ACAD8: variants seen among roughly 807,000 people sequenced by gnomAD.
The protein encoded by ACAD8 is isobutyryl-CoA dehydrogenase, mitochondrial.
ACAD8 carries 47 observed loss-of-function variants against 53.1 expected under a neutral mutation model. The observed-to-expected ratio is 0.89, with a 90% confidence interval of 0.70 to 1.13. The LOEUF is 1.13. Among genes scored for constraint, ACAD8 ranks in the 50% most tolerant of loss-of-function variants. ACAD8 has a pLI of 0.00. For missense variants in ACAD8, 494 were observed against 535.0 expected, an observed-to-expected ratio of 0.92 and a Z score of 0.76; for synonymous variants, 198 against 201.3, an observed-to-expected ratio of 0.98 and a Z score of 0.14.
intron 1 of ACAD8, among the ~76,000 whole-genome samples, chr11:134,254,032 T>G: frequency 6.8e-6 from 1 of 146,562 alleles, no homozygotes; most frequent in East Asian, 2.1e-4. Flanking sequence ...CCCCCGCAGG[T>G]TCCCCTCCGG....
At chr11:134,263,755 A>G in intron 10 of ACAD8, 4 of 985,418 alleles carry the variant, frequency 4.1e-6, no homozygotes, top group Non-Finnish European at 4.8e-6. Context: ...GCAGGAAAAC[A>G]TTTATTGTAG....
At position 134,261,955 on chromosome 11, in the gene ACAD8, G is replaced by C. The variant is rs977902208; in HGVS notation, c.1092+65G>C. On this transcript the variant is annotated intron_variant, in intron 9 of 10. Coordinates refer to ENST00000281182, the MANE Select transcript of ACAD8 (RefSeq NM_014384.3). This position sits in a 1 kb window ranked among gnomAD's most constrained non-coding sequence, Gnocchi z 4.2. ...CAGCTGCTAGGCCCAGGGGTCTTGAGAGACATGAGTCAGATTTGGAACCCA... is the reference window on the plus strand; with the variant it reads ...CAGCTGCTAGGCCCAGGGGTCTTGACAGACATGAGTCAGATTTGGAACCCA... 3 of 1,590,056 alleles carry C rather than the reference G, an allele frequency of 1.9e-6. No individual in the cohort carries two copies. The highest frequency in any genetic ancestry group is 2.6e-6 in the Non-Finnish European group (3 of 1,166,846).
intron 5 of ACAD8, 169 bp downstream of exon 5, chr11:134,259,253 C>G: frequency 1.4e-6 from 1 of 730,478 alleles, no homozygotes; most frequent in Non-Finnish European, 2.4e-6. Flanking sequence ...TTGTATCTCT[C>G]CTAATCTGAT....
At chr11:134,257,288 A>G (rs774217359) in intron 3 of ACAD8, 31 bp downstream of exon 3, 5 of 1,612,944 alleles carry the variant, frequency 3.1e-6, no homozygotes, top group Non-Finnish European at 4.2e-6. Flanking sequence ...GGCACAATGA[A>G]GTGCTCACTC....
intron 6 of ACAD8, 108 bp downstream of exon 6, chr11:134,259,853 C>T (rs749465824): frequency 6.4e-7 from 1 of 1,570,918 alleles, no homozygotes; most frequent in African/African-American, 1.3e-5. Context: ...GCTAACCTAC[C>T]TTTGAAGCAG....
At chr11:134,259,114 T>TG in intron 5 of ACAD8, 30 bp downstream of exon 5, 1 of 1,599,436 alleles carries the variant, frequency 6.3e-7, no homozygotes, top group Non-Finnish European at 8.6e-7. Context: ...CAGAGCACTT[T>TG]GGAGATTGTT....
intron 10 of ACAD8, among the ~76,000 whole-genome samples, chr11:134,264,678 A>G (rs1021366890): frequency 1.3e-5 from 2 of 152,128 alleles, no homozygotes; most frequent in African/African-American, 4.8e-5. Flanking sequence ...TAAACTTTAT[A>G]TAAGCATTTT....
intron 9 of ACAD8, 141 bp from the exon 10 acceptor site, chr11:134,262,379 G>A (rs1939935508): frequency 7.4e-6 from 5 of 677,986 alleles, no homozygotes; most frequent in Admixed American, 2.1e-5. Flanking sequence ...AGAATGTGGA[G>A]GCCCTCTTTG....
intron 1 of ACAD8, among the ~76,000 whole-genome samples, chr11:134,254,029 A>G (rs1384231991): frequency 7.0e-6 from 1 of 142,442 alleles, no homozygotes; most frequent in African/African-American, 2.6e-5. Flanking sequence ...CACCCCCCGC[A>G]GGTTCCCCTC....
intron 3 of ACAD8, among the ~76,000 whole-genome samples, chr11:134,257,472 G>A (rs1365446522): frequency 6.6e-6 from 1 of 152,152 alleles, no homozygotes; most frequent in Non-Finnish European, 1.5e-5. Flanking sequence ...AGGAGTTTGA[G>A]ACCAGCCTGG....
chr11:134,259,292 T>C lies in ACAD8; in HGVS notation c.567+208T>C, dbSNP rs7950471. ...AGATCATTTCGTTGACTTTTGTCTA[T>C]CCTTTTTATACTCTCTTGGACTGCC... On this transcript the variant is annotated intron_variant, in intron 5 of 10. Coordinates refer to ENST00000281182, the MANE Select transcript of ACAD8 (RefSeq NM_014384.3). The C allele has an allele frequency of 0.012, 8,332 of 696,220 alleles. 589 individuals carry two copies. In the African/African-American group the frequency reaches 0.14, roughly 11 times the overall value. The allele number at this position is 696,220 out of a possible 1,614,324, so 43.1% of individuals were successfully genotyped here.
At position 134,261,328 on chromosome 11, in the gene ACAD8, C is replaced by T. The variant is rs753192386; in HGVS notation, c.895C>T (p.Leu299Phe). 71 of 1,614,090 alleles carry T rather than the reference C, an allele frequency of 4.4e-5. No homozygotes were observed. Among genetic ancestry groups the T allele is most frequent in the Non-Finnish European group, 5.8e-5 (68 of 1,180,052 alleles). The change falls in exon 8 of 11, where the codon CTC (leucine) becomes TTC (phenylalanine). Residue 299 changes from leucine (L) to phenylalanine (F), a missense_variant. By Grantham distance (22) the Leu-to-Phe change is conservative. Coordinates refer to ENST00000281182, the MANE Select transcript of ACAD8 (RefSeq NM_014384.3). This position sits in a 1 kb window ranked among gnomAD's most constrained non-coding sequence, Gnocchi z 4.2. Reference protein sequence around the residue: ...HASVILTRDHLNVRKQFGEPL... With the variant: ...HASVILTRDHFNVRKQFGEPL... ...CTCTGTCATCCTCACCCGAGACCAC[C>T]TCAATGTCCGGAAGCAGTTTGGAGA... is the stretch of plus-strand genomic sequence containing the variant.
intron 10 of ACAD8, among the ~76,000 whole-genome samples, chr11:134,264,455 T>G (rs770627337): frequency 2.2e-4 from 33 of 152,152 alleles, no homozygotes; most frequent in Admixed American, 9.2e-4. Flanking sequence ...GGGGCGGAGG[T>G]TGCAGTGAGC....
At position 134,264,674 on chromosome 11, in the gene ACAD8, TTATA is replaced by T. The variant is rs1286790239; in HGVS notation, c.1196-231_1196-228del. On this transcript the variant is annotated intron_variant, in intron 10 of 10. Coordinates refer to ENST00000281182, the MANE Select transcript of ACAD8 (RefSeq NM_014384.3). Reference sequence around the variant, plus strand: ...TGTTTTTATTCTGCCTTTTTAAACTTTATATAAGCATTTTTACCATCAGAAGAAG... The same window carrying T: ...TGTTTTTATTCTGCCTTTTTAAACTTTAAGCATTTTTACCATCAGAAGAAG... Among the ~76,000 whole-genome samples, 8 of 152,280 alleles carry T rather than the reference TTATA, an allele frequency of 5.3e-5. No homozygotes were observed. The East Asian group carries it at 1.5e-3, about 29-fold the overall frequency.
rs1939262561 is a variant in ACAD8 at position 134,253,681 on chromosome 11, C to T, written c.81C>T (p.Gly27=). The stretch of plus-strand genomic sequence containing the variant: ...GTCTCCGGGTCCTCGTCCAGACCGG[C>T]CACCGGAGCTTGACCTCCTGCATCG... ...PGGLRVLVQT[G]HRSLTSCIDP... is the part of the protein sequence containing the mutation. The change falls in exon 1 of 11, where the codon GGC becomes GGT. Residue 27 remains glycine (G), a synonymous_variant. Coordinates refer to ENST00000281182, the MANE Select transcript of ACAD8 (RefSeq NM_014384.3). 6.2e-7 allele frequency: 1 copy of T among 1,600,148 alleles called. No individual in the cohort carries two copies. Among genetic ancestry groups the T allele is most frequent in the Non-Finnish European group, 8.5e-7 (1 of 1,174,350 alleles).
rs1939879466 is a variant in ACAD8 at position 134,261,503 on chromosome 11, T to G, written c.939+131T>G. On this transcript the variant is annotated intron_variant, in intron 8 of 10. Transcript: ENST00000281182. This position sits in a 1 kb window ranked among gnomAD's most constrained non-coding sequence, Gnocchi z 4.2. ...CCACCACTGTCCTAGCCAGAGCTTGTGCTTTATTTCTGTCCATCTTTTCTT... is the reference window on the plus strand; with the variant it reads ...CCACCACTGTCCTAGCCAGAGCTTGGGCTTTATTTCTGTCCATCTTTTCTT... The G allele has an allele frequency of 1.3e-6, 2 of 1,503,388 alleles. No homozygotes were observed. The highest frequency in any genetic ancestry group is 1.9e-5 in the Admixed American group (1 of 52,242). The allele number at this position is 1,503,388 out of a possible 1,614,324, so 93.1% of individuals were successfully genotyped here. A position where few individuals can be genotyped will look rare whatever the true frequency, so the allele number is the denominator to read the frequency against.
At chr11:134,254,572 A>C (rs917471763) in intron 1 of ACAD8, among the ~76,000 whole-genome samples, 2 of 152,244 alleles carry the variant, frequency 1.3e-5, no homozygotes, top group Non-Finnish European at 2.9e-5. Flanking sequence ...TATAAAGTAC[A>C]GTAAGGCATA....
intron 6 of ACAD8, chr11:134,260,509 T>C (rs1939816663): frequency 4.7e-6 from 1 of 212,116 alleles, no homozygotes; most frequent in African/African-American, 2.3e-5. Context: ...TAAGGCATTA[T>C]GCATTTTAGC....
Position 134,258,532 on chromosome 11 carries a change from T to C in ACAD8, c.398T>C (p.Ile133Thr). 2 of 1,613,602 alleles carry C rather than the reference T, an allele frequency of 1.2e-6. No individual in the cohort carries two copies. Among genetic ancestry groups the C allele is most frequent in the Non-Finnish European group, 1.7e-6 (2 of 1,179,640 alleles). Residue 133 changes from isoleucine (I) to threonine (T), a missense_variant, in exon 4 of 11, where the codon ATT (isoleucine) becomes ACT (threonine). Physicochemically the swap from Ile to Thr is moderately conservative, Grantham distance 89. Coordinates refer to ENST00000281182, the MANE Select transcript of ACAD8 (RefSeq NM_014384.3). The stretch of plus-strand genomic sequence containing the variant: ...CCTATCAGCATGTGTGCCTGGATGA[T>C]TGATAGCTTCGGAAATGAGGAACAG... ...ISIHNMCAWM[I>T]DSFGNEEQRH...
Sources: allele counts gnomAD v4.1 joint callset (sites outside exome capture counted in the v4.1 genomes callset), GRCh38; gene constraint gnomAD v4.1.1; non-coding constraint Gnocchi (gnomAD v3.1); transcripts MANE v1.5; gene names NCBI Gene and HGNC (gene_info 2026-07-23, HGNC 2026-07-21).